ROBO2: variants seen among roughly 807,000 people sequenced by gnomAD.
ROBO2 encodes roundabout homolog 2.
Under a neutral mutation model 160.8 loss-of-function variants are expected in ROBO2, and 53 were observed. That is an observed-to-expected ratio of 0.33 (90% CI 0.26 to 0.41). The LOEUF is 0.41. ROBO2 is among the 10% of genes least tolerant of loss of function. The pLI is 1.00. For missense variants in ROBO2, 1,577 were observed against 1,722.4 expected (o/e 0.92, Z 1.49); for synonymous variants, 664 against 611.7 (o/e 1.09, Z -1.26).
intron 2 of ROBO2, among the ~76,000 whole-genome samples, chr3:76,151,623 C>T (rs1012575685): frequency 2.0e-5 from 3 of 152,074 alleles, no homozygotes; most frequent in Admixed American, 6.6e-5. Context: ...TGTAAATCCC[C>T]CAGACTCCAG....
At chr3:77,145,818 T>TA (rs1360442289) in intron 2 of ROBO2, among the ~76,000 whole-genome samples, 2 of 152,206 alleles carry the variant, frequency 1.3e-5, no homozygotes, top group Admixed American at 1.3e-4. Flanking sequence ...GTTAACAATC[T>TA]AACAGCATGC....
chr3:77,237,695 T>G (rs552345892), intron 2 of ROBO2, among the ~76,000 whole-genome samples: 1 of 152,340 alleles, frequency 6.6e-6, no homozygotes, highest in African/African-American at 2.4e-5. Flanking sequence ...AAAGCTGCTA[T>G]AAACATCTGT....
At chr3:77,585,071 TG>T (rs555017085) in intron 16 of ROBO2, among the ~76,000 whole-genome samples, 1 of 151,110 alleles carries the variant, frequency 6.6e-6, no homozygotes, top group South Asian at 2.1e-4. Context: ...TGAATATAAT[TG>T]TTCTAAGTGA....
At position 77,404,673 on chromosome 3, in the gene ROBO2, TA is replaced by T. The variant is rs2076117492; in HGVS notation, c.389-72740del. 4.6e-5 allele frequency among the ~76,000 whole-genome samples: 7 copies of T among 152,280 alleles called. No individual in the cohort carries two copies. The South Asian group carries it at 1.5e-3, about 32-fold the overall frequency. ...GATATTCTTAGAATTTAATGGGGGA[TA>T]GGGGAACTTACCTGGAATCAATTAT... On this transcript the variant is annotated intron_variant, in intron 2 of 25. Coordinates refer to ENST00000461745, the Ensembl canonical transcript of ROBO2.
rs1386038984 is a variant in ROBO2 at position 77,402,308 on chromosome 3, TA to T, written c.389-75105del. ...TCTGGAGTGGGGTCTAGGGGAGGGATAGCATTAGGAGAAATACCTAATGTAG... is the reference window on the plus strand; with the variant it reads ...TCTGGAGTGGGGTCTAGGGGAGGGATGCATTAGGAGAAATACCTAATGTAG... On this transcript the variant is annotated intron_variant, in intron 2 of 25. Transcript: ENST00000461745. Among the ~76,000 whole-genome samples, 10 of 151,966 alleles carry T rather than the reference TA, an allele frequency of 6.6e-5. 1 individual carries two copies. The highest frequency in any genetic ancestry group is 1.9e-4 in the African/African-American group (8 of 41,424).
chr3:76,929,110 A>G lies in ROBO2; in HGVS notation c.110-168904A>G, dbSNP rs2077173853. Among the ~76,000 whole-genome samples, 4 of 152,148 alleles carry G rather than the reference A, an allele frequency of 2.6e-5. No individual in the cohort carries two copies. In the South Asian group the frequency reaches 8.3e-4, roughly 32 times the overall value. On this transcript the variant is annotated intron_variant, in intron 2 of 26. Coordinates refer to the ROBO2 transcript ENST00000487694. ...CCCCATCTGTACTAAAAATACAAAAATTAGCCAGGCGTGATGGCGTTTGCT... is the reference window on the plus strand; with the variant it reads ...CCCCATCTGTACTAAAAATACAAAAGTTAGCCAGGCGTGATGGCGTTTGCT...
intron 4 of ROBO2, among the ~76,000 whole-genome samples, chr3:77,492,598 G>GA (rs1395644483): frequency 5.3e-5 from 8 of 151,910 alleles, no homozygotes; most frequent in Admixed American, 5.2e-4. Flanking sequence ...GACCATTGGA[G>GA]AAAACCTCAA....
chr3:76,080,129 C>T (rs1377350650), intron 2 of ROBO2, among the ~76,000 whole-genome samples: 1 of 152,172 alleles, frequency 6.6e-6, no homozygotes, highest in African/African-American at 2.4e-5. Flanking sequence ...AGCTCTCAGC[C>T]TACAGTGATT....
At chr3:75,933,477 C>A (rs1488929832) in intron 1 of ROBO2, among the ~76,000 whole-genome samples, 4 of 151,832 alleles carry the variant, frequency 2.6e-5, no homozygotes, top group African/African-American at 9.7e-5. Flanking sequence ...GGACTATTGC[C>A]AACAGCAATA....
chr3:76,434,500 C>T (rs1241882399), intron 2 of ROBO2: 23 of 1,557,896 alleles, frequency 1.5e-5, no homozygotes, highest in Non-Finnish European at 1.8e-5. Flanking sequence ...CAAACCGAGT[C>T]CTCAAAGAGT....
At chr3:77,569,009 T>C (rs1442643378) in intron 13 of ROBO2, among the ~76,000 whole-genome samples, 2 of 152,054 alleles carry the variant, frequency 1.3e-5, no homozygotes, top group Admixed American at 6.6e-5. Context: ...TGTTATCAAA[T>C]AGTATTCCAT....
chr3:76,599,514 G>A (rs182401136), intron 2 of ROBO2, among the ~76,000 whole-genome samples: 314 of 152,172 alleles, frequency 2.1e-3, no homozygotes, highest in African/African-American at 7.2e-3. Context: ...GAACATAAGC[G>A]TATATGTGTC....
At chr3:76,339,692 C>A (rs183611514) in intron 2 of ROBO2, among the ~76,000 whole-genome samples, 138 of 152,078 alleles carry the variant, frequency 9.1e-4, no homozygotes, top group African/African-American at 3.0e-3. Context: ...TCACAGACAC[C>A]AAGAGTATAG....
chr3:76,948,451 A>G (rs2078705401), intron 2 of ROBO2, among the ~76,000 whole-genome samples: 1 of 151,712 alleles, frequency 6.6e-6, no homozygotes, highest in African/African-American at 2.4e-5. Flanking sequence ...TCGTATTTTA[A>G]TATCACTCAT....
intron 2 of ROBO2, among the ~76,000 whole-genome samples, chr3:77,403,731 T>C (rs2076027163): frequency 6.6e-6 from 1 of 152,080 alleles, no homozygotes; most frequent in African/African-American, 2.4e-5. Context: ...GTATAGTGAT[T>C]TTGTGATTTT....
At chr3:76,840,667 ATATATAT>A (rs1258846801) in intron 2 of ROBO2, among the ~76,000 whole-genome samples, 1 of 136,004 alleles carries the variant, frequency 7.4e-6, no homozygotes, top group South Asian at 2.4e-4. Context: ...ATATATATAT[ATATATAT>A]AAGATGAAGT....
intron 2 of ROBO2, among the ~76,000 whole-genome samples, chr3:76,015,779 A>G (rs1349648299): frequency 1.3e-5 from 2 of 152,210 alleles, no homozygotes; most frequent in African/African-American, 4.8e-5. Flanking sequence ...GCATATAATC[A>G]GAGAATAAAG....
chr3:76,682,018 AT>A (rs2092576385), intron 2 of ROBO2, among the ~76,000 whole-genome samples: 1 of 152,106 alleles, frequency 6.6e-6, no homozygotes, highest in Non-Finnish European at 1.5e-5. Context: ...AGTAGTGAAG[AT>A]GGGAAGGCAT....
intron 2 of ROBO2, among the ~76,000 whole-genome samples, chr3:76,786,232 G>A (rs965279880): frequency 1.3e-5 from 2 of 151,102 alleles, no homozygotes; most frequent in Admixed American, 6.6e-5. Flanking sequence ...ACCTTCATTT[G>A]ATGCAGGAGA....
Sources: gnomAD v4.1 joint callset for allele counts (sites outside exome capture counted in the v4.1 genomes callset) on GRCh38, gnomAD v4.1.1 for gene constraint, MANE v1.5 for transcripts, NCBI Gene and HGNC (gene_info 2026-07-23, HGNC 2026-07-21) for gene names.